The following PASD1 variants were observed in gnomAD, a reference collection of about 807,000 sequenced individuals.
The protein encoded by PASD1 is PAS domain containing repressor 1.
PASD1 carries 13 observed loss-of-function variants against 58.8 expected under a neutral mutation model. The ratio of observed to expected loss-of-function variants is 0.22; its 90% confidence interval spans 0.14 to 0.35. The LOEUF (loss-of-function observed/expected upper bound fraction) is 0.35. Ranked by LOEUF, PASD1 falls within the 10% of genes least tolerant of loss-of-function variation. PASD1 has a pLI of 1.00. For missense variants in PASD1, 734 were observed against 568.3 expected (o/e 1.29, Z -2.96); for synonymous variants, 236 against 216.7 (o/e 1.09, Z -0.78).
chrX:151,664,493 T>C, intron 11 of PASD1, 145 bp downstream of exon 11: 1 of 1,018,152 alleles, frequency 9.8e-7, no homozygotes, highest in Non-Finnish European at 1.3e-6. Flanking sequence ...ATTTCTGTTA[T>C]ACTGGATTTT....
At chrX:151,643,764 G>C (rs1381598093) in intron 8 of PASD1, among the ~76,000 whole-genome samples, 2 of 111,159 alleles carry the variant, frequency 1.8e-5, no homozygotes, top group African/African-American at 3.3e-5. Context: ...TCATATTCTG[G>C]CTTTGTCACT....
chrX:151,595,177 C>CA (rs1319267089), intron 1 of PASD1, among the ~76,000 whole-genome samples: 1 of 111,398 alleles, frequency 9.0e-6, no homozygotes, highest in African/African-American at 3.3e-5. Context: ...TCCAGTATGG[C>CA]AAAAAAATTG....
At chrX:151,575,484 A>T (rs1242017065) in intron 1 of PASD1, among the ~76,000 whole-genome samples, 1 of 111,488 alleles carries the variant, frequency 9.0e-6, no homozygotes, top group Non-Finnish European at 1.9e-5. Context: ...TCAGTTTTTC[A>T]ATCTCTCATT....
chrX:151,593,244 T>TTATTG (rs1331118233), intron 1 of PASD1, among the ~76,000 whole-genome samples: 2 of 110,854 alleles, frequency 1.8e-5, no homozygotes, highest in Non-Finnish European at 3.8e-5. Flanking sequence ...TTATTTTATT[T>TTATTG]TTTAAAATTT....
chrX:151,577,002 G>C (rs1025340829), intron 1 of PASD1, among the ~76,000 whole-genome samples: 1 of 111,414 alleles, frequency 9.0e-6, no homozygotes, highest in Non-Finnish European at 1.9e-5. Context: ...CCAGCTATGC[G>C]GCTCGTCAAT....
intron 10 of PASD1, among the ~76,000 whole-genome samples, chrX:151,662,328 G>C (rs1450311942): frequency 9.1e-6 from 1 of 109,720 alleles, no homozygotes; most frequent in Non-Finnish European, 1.9e-5. Context: ...GGCTCATGGG[G>C]CTCTTTTAGG....
rs745659339 is a variant in PASD1 at position 151,607,483 on chromosome X, G to A, written c.117+2749G>A. On this transcript the variant is annotated intron_variant, in intron 3 of 15. Coordinates refer to ENST00000370357, the MANE Select transcript of PASD1 (RefSeq NM_173493.3). ...CAATCTCAGGATAGCGAGGGTGAGG[G>A]GGAAAGTAAGGCAGGGAAGAAGGGA... Among the ~76,000 whole-genome samples, 45 of 111,453 alleles carry A rather than the reference G, an allele frequency of 4.0e-4. No homozygotes were observed. The South Asian group carries it at 6.9e-3, about 17-fold the overall frequency.
intron 1 of PASD1, among the ~76,000 whole-genome samples, chrX:151,593,609 G>A (rs374740576): frequency 9.9e-5 from 11 of 111,475 alleles, no homozygotes; most frequent in East Asian, 5.6e-4. Flanking sequence ...ATTCCATGGC[G>A]TATATGTGCC....
chrX:151,675,809 GGA>G (rs2014536371), intron 15 of PASD1, among the ~76,000 whole-genome samples, 186 bp from the exon 16 acceptor site: 1 of 112,407 alleles, frequency 8.9e-6, no homozygotes, highest in Admixed American at 9.4e-5. Context: ...GATGCTGCTG[GGA>G]GAGAGAAGAG....
intron 6 of PASD1, among the ~76,000 whole-genome samples, chrX:151,621,848 T>G (rs763882018): frequency 2.7e-5 from 3 of 110,000 alleles, no homozygotes; most frequent in Non-Finnish European, 5.7e-5. Context: ...CAAAAGAAGT[T>G]TAATGCATAT....
intron 11 of PASD1, among the ~76,000 whole-genome samples, chrX:151,669,540 C>A (rs2014436817): frequency 9.2e-6 from 1 of 108,477 alleles, no homozygotes; most frequent in Non-Finnish European, 1.9e-5. Context: ...TCTCTTCATC[C>A]CCCTCTTCCC....
chrX:151,580,508 CT>C (rs200293926), intron 1 of PASD1, among the ~76,000 whole-genome samples: 5,545 of 67,022 alleles, frequency 0.083, 225 homozygotes, highest in African/African-American at 0.18. Context: ...TTCTTTTTTT[CT>C]TTTTTTTTTT....
At chrX:151,671,502 C>T (rs1208239091) in intron 12 of PASD1, 71 bp from the exon 13 acceptor site, 2 of 1,126,679 alleles carry the variant, frequency 1.8e-6, no homozygotes, top group Non-Finnish European at 1.2e-6. Context: ...TGCTCCATGC[C>T]CAGCTTGTCT....
chrX:151,670,707 G>T (rs756786826), intron 11 of PASD1, among the ~76,000 whole-genome samples: 2 of 112,015 alleles, frequency 1.8e-5, no homozygotes, highest in East Asian at 5.6e-4. Context: ...ACTGCCATTT[G>T]TGATTTGACC....
intron 11 of PASD1, among the ~76,000 whole-genome samples, chrX:151,665,096 G>A (rs756786880): frequency 1.8e-5 from 2 of 112,261 alleles, no homozygotes; most frequent in Admixed American, 9.5e-5. Context: ...CTCATCCAGT[G>A]AAAATAATTA....
intron 9 of PASD1, among the ~76,000 whole-genome samples, chrX:151,652,543 AAAAC>A (rs1175948451): frequency 9.5e-6 from 1 of 105,628 alleles, no homozygotes; most frequent in African/African-American, 3.4e-5. Flanking sequence ...AAAAAAAAAA[AAAAC>A]AAAAAACAAA....
chrX:151,590,238 C>T (rs934081303), intron 1 of PASD1, among the ~76,000 whole-genome samples: 10 of 112,216 alleles, frequency 8.9e-5, no homozygotes, highest in Non-Finnish European at 1.9e-4. Flanking sequence ...GCAGAACAGG[C>T]AAAGGTGGAT....
chrX:151,630,064 G>A (rs12839220), intron 8 of PASD1, among the ~76,000 whole-genome samples: 17,401 of 109,288 alleles, frequency 0.16, 1,201 homozygotes, highest in Non-Finnish European at 0.22. Flanking sequence ...GTGGGTGAAC[G>A]CACACTCTTT....
intron 1 of PASD1, among the ~76,000 whole-genome samples, chrX:151,565,209 G>A (rs976251035): frequency 4.5e-5 from 5 of 112,140 alleles, no homozygotes; most frequent in Non-Finnish European, 3.8e-5. Flanking sequence ...GCCAGTTCTA[G>A]AACAGAGAGT....
Sources: gnomAD v4.1 joint callset for allele counts (sites outside exome capture counted in the v4.1 genomes callset) on GRCh38, gnomAD v4.1.1 for gene constraint, MANE v1.5 for transcripts, NCBI Gene and HGNC (gene_info 2026-07-23, HGNC 2026-07-21) for gene names.